The following C3orf49 variants were observed in gnomAD, a reference collection of about 807,000 sequenced individuals.
The protein encoded by C3orf49 is putative uncharacterized protein C3orf49.
Under a neutral mutation model 13.3 loss-of-function variants are expected in C3orf49, and 27 were observed. That is an observed-to-expected ratio of 2.02 (90% CI 1.49 to 2.79). C3orf49 has a LOEUF of 2.79. Among genes scored for constraint, C3orf49 ranks in the 30% most tolerant of loss-of-function variants. C3orf49 has a pLI of 0.00. For synonymous variants in C3orf49, 87 were observed against 47.6 expected, an observed-to-expected ratio of 1.83 and a Z score of -3.40; for missense variants, 242 against 134.2, an observed-to-expected ratio of 1.80 and a Z score of -3.97.
At position 63,831,151 on chromosome 3, in the gene C3orf49, T is replaced by TA. The variant is rs1466063805; in HGVS notation, c.620dup (p.Lys208GlufsTer24). 4 of 702,450 alleles carry TA rather than the reference T, an allele frequency of 5.7e-6. No individual in the cohort carries two copies. Among genetic ancestry groups the TA allele is most frequent in the Non-Finnish European group, 7.8e-6 (3 of 384,834 alleles). The allele number at this position is 702,450 out of a possible 1,614,324, so 43.5% of individuals were successfully genotyped here. A position where few individuals can be genotyped will look rare whatever the true frequency, so the allele number is the denominator to read the frequency against. On this transcript the variant is annotated frameshift_variant, in exon 4 of 7. Transcript: ENST00000295896. LOFTEE classifies it high-confidence loss of function. ...AAAAGAGACCACACTTTCCAGCACTTAAAAAAAAGAAGCGTGGCATGGAAA... is the reference window on the plus strand; with the variant it reads ...AAAAGAGACCACACTTTCCAGCACTTAAAAAAAAAGAAGCGTGGCATGGAAA...
At chr3:63,838,069 G>C (rs1701671351) in intron 5 of C3orf49, 5 of 1,583,084 alleles carry the variant, frequency 3.2e-6, no homozygotes, top group Middle Eastern at 3.4e-4. Context: ...CATTCTATAT[G>C]AGAAGGTTTT....
intron 5 of C3orf49, chr3:63,839,876 A>C: frequency 1.1e-6 from 1 of 923,230 alleles, no homozygotes; most frequent in Non-Finnish European, 1.7e-6. Flanking sequence ...AAATTATTGA[A>C]ATGTAAATGC....
chr3:63,790,505 C>A, the C3orf49 span, among the ~76,000 whole-genome samples: 1 of 151,810 alleles, frequency 6.6e-6, no homozygotes, highest in African/African-American at 2.4e-5. Context: ...AAATCAGAAT[C>A]TTGGGGGTGT....
intron 5 of C3orf49, among the ~76,000 whole-genome samples, chr3:63,836,661 A>C (rs1701640775): frequency 6.6e-6 from 1 of 152,020 alleles, no homozygotes; most frequent in African/African-American, 2.4e-5. Flanking sequence ...TATCAAATAG[A>C]CTGATTCTGA....
chr3:63,812,021 T>G, the C3orf49 span, among the ~76,000 whole-genome samples: 5 of 152,166 alleles, frequency 3.3e-5, no homozygotes, highest in African/African-American at 1.2e-4. Context: ...TGGTAGCGAC[T>G]GCGGTAAACT....
At chr3:63,839,608 A>G (rs368913290) in intron 5 of C3orf49, 1 of 1,543,924 alleles carries the variant, frequency 6.5e-7, no homozygotes, top group South Asian at 1.1e-5. Flanking sequence ...ATAGGGCCTA[A>G]AATCACATTA....
At chr3:63,813,959 G>T in the C3orf49 span, among the ~76,000 whole-genome samples, 2 of 152,244 alleles carry the variant, frequency 1.3e-5, no homozygotes, top group Non-Finnish European at 2.9e-5. Context: ...ACATTGTCCT[G>T]TTCTACTCTA....
chr3:63,784,898 T>C, the C3orf49 span: 3 of 152,102 alleles, frequency 2.0e-5, no homozygotes, highest in African/African-American at 7.3e-5. Context: ...ATTGCTTTCT[T>C]CCTTCCTTGC....
At chr3:63,797,362 G>C in the C3orf49 span, among the ~76,000 whole-genome samples, 7 of 152,080 alleles carry the variant, frequency 4.6e-5, no homozygotes, top group Non-Finnish European at 7.4e-5. Context: ...TCCTTTGGAG[G>C]GTAGGCCTTT....
chr3:63,780,595 G>C, the C3orf49 span, among the ~76,000 whole-genome samples: 1 of 152,162 alleles, frequency 6.6e-6, no homozygotes, highest in Admixed American at 6.6e-5. Context: ...CTAGTTTACA[G>C]ACAGTCCCAC....
At chr3:63,833,253 C>T (rs1480929554) in intron 5 of C3orf49, among the ~76,000 whole-genome samples, 4 of 152,096 alleles carry the variant, frequency 2.6e-5, no homozygotes, top group East Asian at 1.9e-4. Context: ...TGTGCCACCA[C>T]ACCTGGCTAA....
At chr3:63,847,056 G>C (rs1044529105) in intron 6 of C3orf49, among the ~76,000 whole-genome samples, 4 of 152,090 alleles carry the variant, frequency 2.6e-5, no homozygotes, top group Non-Finnish European at 5.9e-5. Flanking sequence ...CTCCTAGTTT[G>C]TTGGGAATGG....
the C3orf49 span, among the ~76,000 whole-genome samples, chr3:63,809,254 T>A: frequency 2.6e-5 from 4 of 152,178 alleles, no homozygotes; most frequent in Non-Finnish European, 5.9e-5. Context: ...GATTCACCCC[T>A]CCAGCCTCCA....
At chr3:63,811,188 G>T in the C3orf49 span, among the ~76,000 whole-genome samples, 1 of 152,040 alleles carries the variant, frequency 6.6e-6, no homozygotes, top group African/African-American at 2.4e-5. Flanking sequence ...ATTTTATTAT[G>T]CATTTCCTGT....
chr3:63,827,211 C>T (rs1431162640), intron 2 of C3orf49: 1 of 159,928 alleles, frequency 6.3e-6, no homozygotes, highest in Non-Finnish European at 1.4e-5. Flanking sequence ...ATGACTGAGC[C>T]TTGAGCCACA....
chr3:63,810,660 G>C, the C3orf49 span, among the ~76,000 whole-genome samples: 1 of 152,168 alleles, frequency 6.6e-6, no homozygotes, highest in African/African-American at 2.4e-5. Context: ...GTGTCTTGTT[G>C]CCATTGCATT....
At position 63,836,386 on chromosome 3, in the gene C3orf49, C is replaced by A. The variant is rs777644775; in HGVS notation, c.849+4542C>A. 3.1e-5 allele frequency: 50 copies of A among 1,605,580 alleles called. 1 individual carries two copies. The East Asian group carries it at 6.5e-4, about 21-fold the overall frequency. On this transcript the variant is annotated intron_variant, in intron 5 of 6. Coordinates refer to ENST00000295896, the MANE Select transcript of C3orf49 (RefSeq NM_001355236.2). ...GTAAGACATAAAAATATTTATCAAA[C>A]TAAGGATTTTTTGAATGTGAATTAT...
At chr3:63,836,234 C>T (rs1247357904) in intron 5 of C3orf49, 3 of 1,460,366 alleles carry the variant, frequency 2.1e-6, no homozygotes, top group Non-Finnish European at 2.8e-6. Flanking sequence ...AAATGAAATG[C>T]CTACGGTAGT....
upstream of C3orf49, among the ~76,000 whole-genome samples, chr3:63,816,038 C>T (rs554061514): frequency 1.3e-5 from 2 of 151,608 alleles, no homozygotes; most frequent in African/African-American, 4.8e-5. Flanking sequence ...CCTGCCTCGG[C>T]CTCTCAAAGT....
Sources: allele counts gnomAD v4.1 joint callset (sites outside exome capture counted in the v4.1 genomes callset), GRCh38; gene constraint gnomAD v4.1.1; transcripts MANE v1.5; gene names NCBI Gene and HGNC (gene_info 2026-07-23, HGNC 2026-07-21).